Variants in SEMA3A observed in about 807,000 individuals in gnomAD.
The protein encoded by SEMA3A is semaphorin 3A.
SEMA3A carries 29 observed loss-of-function variants against 97.9 expected under a neutral mutation model. The observed-to-expected ratio is 0.30, with a 90% confidence interval of 0.22 to 0.40. The LOEUF is 0.40. Ranked by LOEUF, SEMA3A falls within the 10% of genes least tolerant of loss-of-function variation. The probability of loss-of-function intolerance (pLI) is 1.00; values close to 1 mark genes in which losing one functional copy is unlikely to be tolerated. For missense variants in SEMA3A, 763 were observed against 951.3 expected (o/e 0.80, Z 2.60); for synonymous variants, 321 against 323.7 (o/e 0.99, Z 0.09).
chr7:84,229,114 T>C (rs1432516726), intron 3 of SEMA3A, among the ~76,000 whole-genome samples: 1 of 151,996 alleles, frequency 6.6e-6, no homozygotes, highest in Non-Finnish European at 1.5e-5. Context: ...TGATTAAACA[T>C]GGATATAGTT....
intron 1 of SEMA3A, among the ~76,000 whole-genome samples, chr7:84,422,591 T>G (rs1804631526): frequency 6.6e-6 from 1 of 152,122 alleles, no homozygotes; most frequent in South Asian, 2.1e-4. Context: ...TCTCCAGTTC[T>G]TTTAATTGTG....
rs546162290 is a variant in SEMA3A, at chr7:84,357,585, G to A, written c.-169+14239C>T. ...AGTGTTTGCTATTGTGAATAGTGCCGCAATAAACATATGTGTGCATGTGTC... is the reference window on the plus strand; with the variant it reads ...AGTGTTTGCTATTGTGAATAGTGCCACAATAAACATATGTGTGCATGTGTC... On this transcript the variant is annotated intron_variant, in intron 2 of 3. Coordinates refer to the SEMA3A transcript ENST00000424555. Among the ~76,000 whole-genome samples, 253 of 152,108 alleles carry A rather than the reference G, an allele frequency of 1.7e-3. 2 individuals are homozygous for A. Among genetic ancestry groups the A allele is most frequent in the Non-Finnish European group, 1.3e-3 (90 of 67,994 alleles).
intron 3 of SEMA3A, among the ~76,000 whole-genome samples, chr7:84,243,736 A>C: frequency 6.6e-6 from 1 of 152,036 alleles, no homozygotes; most frequent in East Asian, 1.9e-4. Flanking sequence ...GTGGGCATTT[A>C]GTGCTATAAA....
intron 1 of SEMA3A, among the ~76,000 whole-genome samples, chr7:84,409,539 T>C (rs2116245054): frequency 6.6e-6 from 1 of 152,238 alleles, no homozygotes; most frequent in Non-Finnish European, 1.5e-5. Flanking sequence ...AATTTTACAT[T>C]ATTACATTTA....
At chr7:84,259,299 T>C (rs540697626) in intron 3 of SEMA3A, among the ~76,000 whole-genome samples, 2 of 152,330 alleles carry the variant, frequency 1.3e-5, no homozygotes, top group African/African-American at 2.4e-5. Flanking sequence ...TCTATACTTG[T>C]TCTGAATAGT....
intron 4 of SEMA3A, among the ~76,000 whole-genome samples, chr7:84,090,083 A>T (rs1794515278): frequency 6.6e-6 from 1 of 152,106 alleles, no homozygotes; most frequent in African/African-American, 2.4e-5. Flanking sequence ...GTTTAATCCC[A>T]TATATTCTCT....
intron 1 of SEMA3A, among the ~76,000 whole-genome samples, chr7:84,461,824 ATTC>A (rs1805848123): frequency 1.3e-5 from 2 of 152,168 alleles, no homozygotes; most frequent in Non-Finnish European, 2.9e-5. Flanking sequence ...GATTTATTCT[ATTC>A]TTCTCTGAAT....
At chr7:84,436,155 C>T (rs1305860071) in intron 1 of SEMA3A, among the ~76,000 whole-genome samples, 2 of 151,970 alleles carry the variant, frequency 1.3e-5, no homozygotes, top group Non-Finnish European at 2.9e-5. Flanking sequence ...TGGACCCCTA[C>T]TTTTTACCAT....
At chr7:84,340,409 A>C (rs1177821734) in intron 2 of SEMA3A, among the ~76,000 whole-genome samples, 1 of 152,170 alleles carries the variant, frequency 6.6e-6, no homozygotes, top group Non-Finnish European at 1.5e-5. Context: ...ATATAGATAT[A>C]AATACTTTGG....
intron 1 of SEMA3A, among the ~76,000 whole-genome samples, chr7:84,188,932 TC>T (rs1402272471): frequency 2.0e-5 from 3 of 151,892 alleles, no homozygotes; most frequent in Non-Finnish European, 4.4e-5. Context: ...TGCCAATTTT[TC>T]CAAACTTGGT....
At chr7:84,318,581 C>G (rs1371859079) in intron 2 of SEMA3A, among the ~76,000 whole-genome samples, 2 of 152,080 alleles carry the variant, frequency 1.3e-5, no homozygotes, top group Non-Finnish European at 2.9e-5. Flanking sequence ...CTCGGCCTCC[C>G]AAAGTGCTGG....
intron 5 of SEMA3A, among the ~76,000 whole-genome samples, chr7:84,048,759 AG>A (rs1296552832): frequency 6.6e-6 from 1 of 152,120 alleles, no homozygotes; most frequent in Non-Finnish European, 1.5e-5. Context: ...GAGGTTTAAT[AG>A]GAAATATTAG....
rs1242846888 is a variant in SEMA3A, at chr7:83,970,114, A to C, written c.1718-6767T>G. On this transcript the variant is annotated intron_variant, in intron 15 of 16. Coordinates refer to ENST00000265362, the MANE Select transcript of SEMA3A (RefSeq NM_006080.3). ...TAGAACAAAATAATTGAGAGCAACAAAACATTAAAATTATTTTAAAAGCAC... is the reference window on the plus strand; with the variant it reads ...TAGAACAAAATAATTGAGAGCAACACAACATTAAAATTATTTTAAAAGCAC... Among the ~76,000 whole-genome samples, 8 of 152,216 alleles carry C rather than the reference A, an allele frequency of 5.3e-5. No homozygotes were observed. In the East Asian group the frequency reaches 1.5e-3, roughly 29 times the overall value.
At chr7:84,410,416 A>T (rs2116247679) in intron 1 of SEMA3A, among the ~76,000 whole-genome samples, 1 of 152,250 alleles carries the variant, frequency 6.6e-6, no homozygotes, top group Middle Eastern at 3.4e-3. Flanking sequence ...TTAAGCAAGC[A>T]ACCTGGATTT....
Position 84,435,878 on chromosome 7 carries a change from G to GCAAAA in SEMA3A, c.-246+56577_-246+56581dup, listed in dbSNP as rs1049953363. ...GCCAGAATAGCCAAAGCAATCCTAAGCAAAACAAAACAAAACAAAGCTGGA... is the reference window on the plus strand; with the variant it reads ...GCCAGAATAGCCAAAGCAATCCTAAGCAAAACAAAACAAAACAAAACAAAGCTGGA... On this transcript the variant is annotated intron_variant, in intron 1 of 3. Transcript: ENST00000424555. Among the ~76,000 whole-genome samples, 4 of 152,102 alleles carry GCAAAA rather than the reference G, an allele frequency of 2.6e-5. No individual in the cohort carries two copies. The South Asian group carries it at 6.2e-4, about 24-fold the overall frequency.
chr7:84,102,055 C>T (rs930861512), intron 4 of SEMA3A, among the ~76,000 whole-genome samples: 9 of 151,998 alleles, frequency 5.9e-5, no homozygotes, highest in African/African-American at 1.9e-4. Context: ...ATTACATATG[C>T]AGCTAGCATT....
chr7:84,353,447 A>G (rs1368372707), intron 2 of SEMA3A, among the ~76,000 whole-genome samples: 2 of 151,762 alleles, frequency 1.3e-5, no homozygotes, highest in Non-Finnish European at 3.0e-5. Flanking sequence ...CTGAAATAAA[A>G]AAAGAATGTG....
chr7:84,256,862 T>C (rs1018854931), intron 3 of SEMA3A, among the ~76,000 whole-genome samples: 3 of 152,134 alleles, frequency 2.0e-5, no homozygotes, highest in Admixed American at 6.5e-5. Flanking sequence ...GCATTACTTC[T>C]TGCAGTTTGA....
chr7:84,346,859 C>T (rs1802312295), intron 2 of SEMA3A, among the ~76,000 whole-genome samples: 1 of 152,012 alleles, frequency 6.6e-6, no homozygotes, highest in Non-Finnish European at 1.5e-5. Context: ...TGCCAGAAAC[C>T]GCTGGTTTGT....
Sources: allele counts gnomAD v4.1 joint callset (sites outside exome capture counted in the v4.1 genomes callset), GRCh38; gene constraint gnomAD v4.1.1; transcripts MANE v1.5; gene names NCBI Gene and HGNC (gene_info 2026-07-23, HGNC 2026-07-21).